RHBDD1: variants seen among roughly 807,000 people sequenced by gnomAD.
RHBDD1 encodes rhomboid domain containing 1, also known as rhomboid-related protein 4.
In RHBDD1, 38 loss-of-function variants were observed where a neutral mutation model predicts 36.3. The ratio of observed to expected loss-of-function variants is 1.05; its 90% CI spans 0.81 to 1.37. The LOEUF (loss-of-function observed/expected upper bound fraction) is 1.37, where lower values mean the gene tolerates loss of function less well. RHBDD1 is among the 40% of genes most tolerant of loss of function. The pLI, the probability that RHBDD1 is intolerant of heterozygous loss-of-function variation, is 0.00. For missense variants in RHBDD1, 393 were observed against 377.6 expected (o/e 1.04, Z -0.34); for synonymous variants, 151 against 136.5 (o/e 1.11, Z -0.74).
At chr2:226,906,584 CAT>C (rs200200062) in intron 5 of RHBDD1, 29,243 of 1,107,234 alleles carry the variant, frequency 0.026, 564 homozygotes, top group Non-Finnish European at 0.028. Context: ...GCGTTTTAAA[CAT>C]GTGGTGGTTG....
chr2:226,855,082 A>C (rs560526864), intron 3 of RHBDD1, among the ~76,000 whole-genome samples: 1 of 152,368 alleles, frequency 6.6e-6, no homozygotes, highest in East Asian at 1.9e-4. Flanking sequence ...TGGCACTGAT[A>C]CTAAAGGCAG....
At chr2:226,940,035 A>G (rs1216088148) in intron 8 of RHBDD1, among the ~76,000 whole-genome samples, 1 of 152,178 alleles carries the variant, frequency 6.6e-6, no homozygotes, top group East Asian at 1.9e-4. Context: ...TATTTAATAA[A>G]TGGTGCTGGG....
At chr2:226,904,459 C>A (rs577281835) in intron 5 of RHBDD1, among the ~76,000 whole-genome samples, 1 of 145,666 alleles carries the variant, frequency 6.9e-6, no homozygotes, top group African/African-American at 2.6e-5. Flanking sequence ...GTAGATATAT[C>A]TGATGAAAAT....
At chr2:226,841,795 C>G (rs752954400) in intron 3 of RHBDD1, among the ~76,000 whole-genome samples, 4 of 152,092 alleles carry the variant, frequency 2.6e-5, no homozygotes, top group Non-Finnish European at 5.9e-5. Context: ...GATTTCTATT[C>G]CTTTGGGTAT....
At chr2:226,863,348 A>T (rs1009853126) in intron 3 of RHBDD1, among the ~76,000 whole-genome samples, 3 of 152,186 alleles carry the variant, frequency 2.0e-5, no homozygotes, top group African/African-American at 4.8e-5. Flanking sequence ...CTAAATAAAT[A>T]AATACATTCA....
At chr2:226,926,781 C>T (rs1360320933) in intron 8 of RHBDD1, among the ~76,000 whole-genome samples, 1 of 152,136 alleles carries the variant, frequency 6.6e-6, no homozygotes, top group East Asian at 1.9e-4. Flanking sequence ...GATACTATGT[C>T]ACCATATGAA....
chr2:226,854,253 G>A (rs954047509), intron 3 of RHBDD1, among the ~76,000 whole-genome samples: 2 of 151,948 alleles, frequency 1.3e-5, no homozygotes, highest in Non-Finnish European at 2.9e-5. Flanking sequence ...TTATTATTTA[G>A]TATCTGTTTT....
At chr2:226,934,783 A>G (rs1489297328) in intron 8 of RHBDD1, among the ~76,000 whole-genome samples, 1 of 152,130 alleles carries the variant, frequency 6.6e-6, no homozygotes, top group Non-Finnish European at 1.5e-5. Flanking sequence ...GCAGATGCCA[A>G]CTAGGAACAT....
chr2:226,857,096 AGT>A (rs61685494), intron 3 of RHBDD1, among the ~76,000 whole-genome samples: 14,402 of 149,934 alleles, frequency 0.096, 701 homozygotes, highest in East Asian at 0.15. Context: ...AGTGTAAGAG[AGT>A]GTGTGTGTGT....
intron 3 of RHBDD1, among the ~76,000 whole-genome samples, chr2:226,854,476 C>T (rs1472258431): frequency 1.3e-5 from 2 of 151,908 alleles, no homozygotes; most frequent in African/African-American, 4.8e-5. Context: ...CGCCTGTAAT[C>T]CTAGCTACTC....
At chr2:226,951,822 G>T (rs1951445222) in intron 8 of RHBDD1, among the ~76,000 whole-genome samples, 2 of 152,214 alleles carry the variant, frequency 1.3e-5, no homozygotes, top group African/African-American at 4.8e-5. Context: ...GAACAAAAGA[G>T]AATAACCTTT....
Position 226,907,003 on chromosome 2 carries a change from T to G in RHBDD1, c.655+122T>G, listed in dbSNP as rs774085612. On this transcript the variant is annotated intron_variant, in intron 6 of 8. Transcript: ENST00000392062. ...TCAAGAATTCCCTAATATGCCTGTT[T>G]TTCTTTTTAAACCGAAAGGTAAAAC... is the stretch of plus-strand genomic sequence containing the variant. The G allele has an allele frequency of 2.9e-5, 29 of 1,009,832 alleles. 1 individual carries two copies. The South Asian group carries it at 3.1e-4, about 11-fold the overall frequency. 62.6% of individuals were successfully genotyped at this position (1,009,832 alleles called of 1,614,324 possible).
intron 5 of RHBDD1, among the ~76,000 whole-genome samples, chr2:226,868,048 A>G (rs546607757): frequency 7.2e-5 from 11 of 152,274 alleles, no homozygotes; most frequent in African/African-American, 2.6e-4. Flanking sequence ...TTTAGCTGTC[A>G]ATTGTCTTGG....
chr2:226,845,635 G>A lies in RHBDD1; in HGVS notation c.-91+6008G>A, dbSNP rs1234117485. 8.5e-5 allele frequency among the ~76,000 whole-genome samples: 13 copies of A among 152,148 alleles called. No homozygotes were observed. In the South Asian group the frequency reaches 2.7e-3, roughly 32 times the overall value. ...AATGTGTTGTATTATCCATCATCTTGTGCTTCTGTTTGTTGGGAATGTGGC... is the reference window on the plus strand; with the variant it reads ...AATGTGTTGTATTATCCATCATCTTATGCTTCTGTTTGTTGGGAATGTGGC... On this transcript the variant is annotated intron_variant, in intron 3 of 8. Coordinates refer to ENST00000392062, the MANE Select transcript of RHBDD1 (RefSeq NM_001167608.3).
In RHBDD1 at chr2:226,914,352, G is replaced by T; in HGVS notation, c.856+1G>T. On this transcript the variant is annotated splice_donor_variant, in intron 8 of 8. Transcript: ENST00000392062. LOFTEE classifies it high-confidence loss of function. Reference sequence around the variant, plus strand: ...TTACAAGCCAGCCTCTGGGACCGAGGTAGGAGTCTTGCGCCCTTCAGTTAT... The same window carrying T: ...TTACAAGCCAGCCTCTGGGACCGAGTTAGGAGTCTTGCGCCCTTCAGTTAT... 3 of 1,612,690 alleles carry T rather than the reference G, an allele frequency of 1.9e-6. No individual in the cohort carries two copies. Among genetic ancestry groups the T allele is most frequent in the Non-Finnish European group, 2.5e-6 (3 of 1,179,260 alleles).
chr2:226,953,079 G>A (rs987053730), intron 8 of RHBDD1, among the ~76,000 whole-genome samples: 3 of 152,180 alleles, frequency 2.0e-5, no homozygotes, highest in African/African-American at 7.2e-5. Flanking sequence ...ATGTAAAATA[G>A]CGTGTTTTTT....
At chr2:226,959,980 G>A (rs544160642) in intron 8 of RHBDD1, among the ~76,000 whole-genome samples, 108 of 152,182 alleles carry the variant, frequency 7.1e-4, no homozygotes, top group African/African-American at 2.5e-3. Flanking sequence ...CTGCCACCAT[G>A]CCCGGCTAAT....
intron 8 of RHBDD1, among the ~76,000 whole-genome samples, chr2:226,938,845 A>G (rs1354701273): frequency 6.6e-6 from 1 of 152,228 alleles, no homozygotes; most frequent in Non-Finnish European, 1.5e-5. Flanking sequence ...ATTTTAGGCC[A>G]ATATCTTTGA....
intron 8 of RHBDD1, among the ~76,000 whole-genome samples, chr2:226,987,528 G>A (rs576955919): frequency 1.3e-5 from 2 of 152,344 alleles, no homozygotes; most frequent in South Asian, 4.1e-4. Context: ...CAGGTTGCTG[G>A]TGTGACACAT....
Sources: allele counts gnomAD v4.1 joint callset (sites outside exome capture counted in the v4.1 genomes callset), GRCh38; gene constraint gnomAD v4.1.1; transcripts MANE v1.5; gene names NCBI Gene and HGNC (gene_info 2026-07-23, HGNC 2026-07-21).